Variants in MYT1L observed in about 807,000 individuals in gnomAD.
MYT1L encodes the protein myelin transcription factor 1 like.
A neutral mutation model predicts 126.7 loss-of-function variants in MYT1L; 12 were observed. That is an observed-to-expected ratio of 0.09 (90% CI 0.06 to 0.15). The LOEUF is 0.15. Among genes scored for constraint, MYT1L ranks in the 10% least tolerant of loss-of-function variants. The pLI, the probability that MYT1L is intolerant of heterozygous loss-of-function variation, is 1.00. For synonymous variants in MYT1L, 541 were observed against 604.2 expected (o/e 0.90, Z 1.53); for missense variants, 979 against 1,585.2 (o/e 0.62, Z 6.49).
At chr2:1,829,276 C>A (rs112771341) in intron 21 of MYT1L, among the ~76,000 whole-genome samples, 5,197 of 148,188 alleles carry the variant, frequency 0.035, 376 homozygotes, top group African/African-American at 0.13. Flanking sequence ...TGTGAACTGA[C>A]CCTCCCATAC....
intron 15 of MYT1L, 22 bp downstream of exon 15, chr2:1,892,015 C>G (rs1437945718): frequency 3.4e-6 from 5 of 1,491,218 alleles, no homozygotes; most frequent in Non-Finnish European, 4.5e-6. Context: ...CCAGGTGGCT[C>G]CACCTGCCCA....
intron 8 of MYT1L, among the ~76,000 whole-genome samples, chr2:1,975,064 A>G (rs1022352173): frequency 6.6e-6 from 1 of 152,236 alleles, no homozygotes; most frequent in African/African-American, 2.4e-5. Context: ...AGAGTTTTAA[A>G]TCATAAACTC....
intron 3 of MYT1L, among the ~76,000 whole-genome samples, chr2:2,142,646 G>A (rs2084181836): frequency 6.6e-6 from 1 of 152,088 alleles, no homozygotes; most frequent in Non-Finnish European, 1.5e-5. Flanking sequence ...CCACTGCCTT[G>A]TGAGCTGATG....
At chr2:2,178,490 C>G (rs2091066484) in intron 2 of MYT1L, among the ~76,000 whole-genome samples, 1 of 152,182 alleles carries the variant, frequency 6.6e-6, no homozygotes. Context: ...GCAATTAGAA[C>G]AAAGGCGGAT....
At position 1,889,540 on chromosome 2, in the gene MYT1L, C is replaced by T; in HGVS notation, c.2284-63G>A. 1 of 1,325,940 alleles carries T rather than the reference C, an allele frequency of 7.5e-7. No individual in the cohort carries two copies. Among genetic ancestry groups the T allele is most frequent in the Non-Finnish European group, 1.0e-6 (1 of 960,042 alleles). The allele number at this position is 1,325,940 out of a possible 1,614,324, so 82.1% of individuals were successfully genotyped here. The stretch of plus-strand genomic sequence containing the variant: ...GCATCTTGTGACACCACGAGTCCTT[C>T]CTCCCAGATTACAGTCCTGCCGTCA... On this transcript the variant is annotated intron_variant, in intron 15 of 24. Transcript: ENST00000647738. This position sits in a 1 kb window ranked among gnomAD's most constrained non-coding sequence, Gnocchi z 4.1.
At chr2:2,000,158 A>T (rs2062226065) in intron 4 of MYT1L, among the ~76,000 whole-genome samples, 1 of 151,984 alleles carries the variant, frequency 6.6e-6, no homozygotes, top group Non-Finnish European at 1.5e-5. Flanking sequence ...GGAGCAGGGC[A>T]GCCAGGCAGT....
chr2:1,857,003 C>CACCTGCAG (rs1247529473), intron 18 of MYT1L, among the ~76,000 whole-genome samples: 2 of 152,254 alleles, frequency 1.3e-5, no homozygotes, highest in South Asian at 4.1e-4. Flanking sequence ...CTCCCACCAT[C>CACCTGCAG]ACCTGCAGAG....
chr2:2,029,010 T>C (rs1449964168), intron 4 of MYT1L, among the ~76,000 whole-genome samples: 2 of 152,324 alleles, frequency 1.3e-5, no homozygotes, highest in East Asian at 3.9e-4. Context: ...AATTAGGTAC[T>C]AGGATGAATG....
At chr2:1,849,684 G>C (rs991242647) in intron 19 of MYT1L, among the ~76,000 whole-genome samples, 4 of 152,256 alleles carry the variant, frequency 2.6e-5, no homozygotes, top group Admixed American at 2.6e-4. Flanking sequence ...AGAGGCTGAG[G>C]AATCTGGGTG....
Position 1,808,610 on chromosome 2 carries a change from C to G in MYT1L, c.3172+466G>C, listed in dbSNP as rs977744414. Among the ~76,000 whole-genome samples, 7 of 152,256 alleles carry G rather than the reference C, an allele frequency of 4.6e-5. No homozygotes were observed. The South Asian group carries it at 1.5e-3, about 32-fold the overall frequency. ...CTGTGCTGGTTGGTGACAAGAGAGA[C>G]CCTCAGAACAAAACAGATTTGCAGG... On this transcript the variant is annotated intron_variant, in intron 22 of 24. Transcript: ENST00000647738.
At chr2:2,053,701 C>T (rs190866737) in intron 4 of MYT1L, among the ~76,000 whole-genome samples, 5 of 152,194 alleles carry the variant, frequency 3.3e-5, no homozygotes, top group Non-Finnish European at 5.9e-5. Flanking sequence ...GTGAACCAGG[C>T]CTATTAGTAT....
intron 21 of MYT1L, among the ~76,000 whole-genome samples, chr2:1,831,138 C>T (rs191221323): frequency 2.6e-4 from 40 of 151,820 alleles, no homozygotes; most frequent in African/African-American, 5.6e-4. Context: ...CTCGGGTGCC[C>T]GACGCGTGTG....
intron 2 of MYT1L, among the ~76,000 whole-genome samples, chr2:2,186,196 G>C (rs1382733035): frequency 9.2e-6 from 1 of 108,884 alleles, no homozygotes; most frequent in African/African-American, 4.2e-5. Flanking sequence ...ACGCAGCCAG[G>C]CCTTCCGGGC....
At chr2:2,004,687 G>A (rs113267220) in intron 4 of MYT1L, among the ~76,000 whole-genome samples, 12,691 of 101,256 alleles carry the variant, frequency 0.13, 1,181 homozygotes, top group African/African-American at 0.28. Flanking sequence ...TCTTTCCTGC[G>A]TGCATTCTTT....
At chr2:2,080,856 G>GA (rs2075749116) in intron 3 of MYT1L, among the ~76,000 whole-genome samples, 1 of 152,162 alleles carries the variant, frequency 6.6e-6, no homozygotes. Context: ...CTAAGATAAT[G>GA]AAAATGTGTC....
At chr2:2,297,202 C>T (rs899302203) in intron 1 of MYT1L, among the ~76,000 whole-genome samples, 1 of 152,248 alleles carries the variant, frequency 6.6e-6, no homozygotes, top group Admixed American at 6.5e-5. Flanking sequence ...CTCTGAGTCT[C>T]TGCTTCCAAG....
intron 23 of MYT1L, among the ~76,000 whole-genome samples, chr2:1,795,310 G>C (rs2033214616): frequency 6.6e-6 from 1 of 152,244 alleles, no homozygotes; most frequent in African/African-American, 2.4e-5. Context: ...CTCTGACCCA[G>C]CCTTAGGGGC....
chr2:1,971,834 A>G (rs1162342163), intron 8 of MYT1L, among the ~76,000 whole-genome samples: 2 of 152,096 alleles, frequency 1.3e-5, no homozygotes, highest in African/African-American at 2.4e-5. Flanking sequence ...TGCAAATCCT[A>G]TGGGTACTCA....
At chr2:2,077,507 C>A (rs2075352932) in intron 3 of MYT1L, among the ~76,000 whole-genome samples, 1 of 152,044 alleles carries the variant, frequency 6.6e-6, no homozygotes, top group Non-Finnish European at 1.5e-5. Flanking sequence ...ATTAAATGGT[C>A]TACAAAATGT....
Sources: allele counts gnomAD v4.1 joint callset (sites outside exome capture counted in the v4.1 genomes callset), GRCh38; gene constraint gnomAD v4.1.1; non-coding constraint Gnocchi (gnomAD v3.1); transcripts MANE v1.5; gene names NCBI Gene and HGNC (gene_info 2026-07-23, HGNC 2026-07-21).